BIRC6: variants seen among roughly 807,000 people sequenced by gnomAD.
The protein encoded by BIRC6 is baculoviral IAP repeat containing 6.
BIRC6 carries 98 observed loss-of-function variants against 503.3 expected under a neutral mutation model. The observed-to-expected ratio is 0.19, with a 90% CI of 0.17 to 0.23. BIRC6 has a LOEUF of 0.23. Among genes scored for constraint, BIRC6 ranks in the 10% least tolerant of loss-of-function variants. BIRC6 has a pLI of 1.00. For missense variants in BIRC6, 5,360 were observed against 5,806.0 expected (o/e 0.92, Z 2.50); for synonymous variants, 2,240 against 2,078.7 (o/e 1.08, Z -2.11).
intron 10 of BIRC6, among the ~76,000 whole-genome samples, chr2:32,426,814 A>T (rs1257768909): frequency 6.6e-6 from 1 of 152,166 alleles, no homozygotes; most frequent in Non-Finnish European, 1.5e-5. Context: ...GTTACTTATC[A>T]TAAGGCAGGT....
intron 3 of BIRC6, among the ~76,000 whole-genome samples, chr2:32,383,480 C>T (rs1246583498): frequency 6.6e-6 from 1 of 152,216 alleles, no homozygotes; most frequent in Non-Finnish European, 1.5e-5. Context: ...TCTTTACGTA[C>T]ATGAACGACC....
At chr2:32,615,367 T>A (rs551429809) in intron 73 of BIRC6, among the ~76,000 whole-genome samples, 1 of 152,360 alleles carries the variant, frequency 6.6e-6, no homozygotes, top group East Asian at 1.9e-4. Context: ...AAATCAAGGC[T>A]AGGGAAATTC....
intron 21 of BIRC6, among the ~76,000 whole-genome samples, chr2:32,446,753 T>G (rs969282026): frequency 1.2e-4 from 16 of 133,940 alleles, no homozygotes; most frequent in African/African-American, 2.8e-4. Flanking sequence ...TTTTTTTTTT[T>G]TTTTTTTTTT....
At chr2:32,576,192 T>C (rs116529610) in intron 66 of BIRC6, among the ~76,000 whole-genome samples, 2,543 of 152,332 alleles carry the variant, frequency 0.017, 40 homozygotes, top group Non-Finnish European at 0.026. Context: ...GTATAATTCT[T>C]AGGTTTATGG....
intron 46 of BIRC6, among the ~76,000 whole-genome samples, chr2:32,501,065 C>A (rs1456197814): frequency 6.6e-6 from 1 of 152,186 alleles, no homozygotes; most frequent in Non-Finnish European, 1.5e-5. Flanking sequence ...TTCTATGACA[C>A]AAACCAGTGT....
intron 9 of BIRC6, among the ~76,000 whole-genome samples, chr2:32,411,063 G>A (rs2041817099): frequency 2.7e-5 from 4 of 149,898 alleles, no homozygotes. Flanking sequence ...TTTTAAGACG[G>A]AGTTTTGCTT....
chr2:32,365,008 G>A (rs1247866608), intron 1 of BIRC6, among the ~76,000 whole-genome samples: 1 of 152,082 alleles, frequency 6.6e-6, no homozygotes, highest in East Asian at 1.9e-4. Flanking sequence ...TATAGAATTC[G>A]GATCTCAATA....
intron 3 of BIRC6, among the ~76,000 whole-genome samples, chr2:32,386,288 G>A (rs1054400287): frequency 6.6e-6 from 1 of 152,092 alleles, no homozygotes; most frequent in African/African-American, 2.4e-5. Context: ...TTGTTGATTT[G>A]CTTTAATAAA....
rs755688168 is a variant in BIRC6 at position 32,499,651 on chromosome 2, C to T, written c.8573C>T (p.Ala2858Val). 1.2e-5 allele frequency: 20 copies of T among 1,613,880 alleles called. No homozygotes were observed. The highest frequency in any genetic ancestry group is 1.7e-5 in the Non-Finnish European group (20 of 1,179,836). ...FEVVSVSTIS[A>V]VIESVTFLVH... ...GTCGTTTCAGTTAGTACTATTTCTG[C>T]CGTGATAGAATCGGTTACATTTTTA... The change falls in exon 46 of 74, where the codon GCC becomes GTC. Residue 2858 changes from alanine to valine, a missense_variant. Ala to Val is a moderately conservative substitution (Grantham distance 64). This residue lies in a region of BIRC6 where 2,299 missense variants were observed against 2,267.2 expected (regional missense o/e 1.01). Coordinates refer to ENST00000421745, the MANE Select transcript of BIRC6 (RefSeq NM_016252.4).
At chr2:32,587,134 A>T (rs2061086648) in intron 66 of BIRC6, among the ~76,000 whole-genome samples, 1 of 152,238 alleles carries the variant, frequency 6.6e-6, no homozygotes, top group Admixed American at 6.5e-5. Context: ...TACGCCTGTA[A>T]TCCCAGCACT....
intron 14 of BIRC6, 137 bp downstream of exon 14, chr2:32,435,722 G>T: frequency 1.0e-6 from 1 of 954,694 alleles, no homozygotes; most frequent in South Asian, 2.3e-5. Flanking sequence ...CTATAATTCT[G>T]CTTTGGCAAT....
intron 23 of BIRC6, among the ~76,000 whole-genome samples, chr2:32,454,687 A>G (rs187259042): frequency 6.6e-6 from 1 of 152,178 alleles, no homozygotes; most frequent in Non-Finnish European, 1.5e-5. Context: ...CAACAGTTTA[A>G]CAAAAAGCAA....
Position 32,392,067 on chromosome 2 carries a change from C to G in BIRC6, c.868C>G (p.Arg290Gly). ...RSLMYSEANR[R>G]ETFTSWPHVG... ...ACTGATGTATAGTGAAGCTAACAGACGGGAGACATTTACCTCATGGCCTCA... is the reference window on the plus strand; with the variant it reads ...ACTGATGTATAGTGAAGCTAACAGAGGGGAGACATTTACCTCATGGCCTCA... The change falls in exon 5 of 74, where the codon CGG becomes GGG. Residue 290 changes from arginine to glycine, a missense_variant. Transcript: ENST00000421745. 6.3e-7 allele frequency: 1 copy of G among 1,591,720 alleles called. No homozygotes were observed. Among genetic ancestry groups the G allele is most frequent in the African/African-American group, 1.3e-5 (1 of 74,662 alleles).
At chr2:32,528,773 G>A (rs554136277) in intron 59 of BIRC6, 1 of 152,172 alleles carries the variant, frequency 6.6e-6, no homozygotes, top group African/African-American at 2.4e-5. Context: ...ATGGTTCAGG[G>A]TACACAAACT....
intron 15 of BIRC6, 116 bp from the exon 16 acceptor site, chr2:32,439,392 T>C: frequency 9.8e-7 from 1 of 1,021,898 alleles, no homozygotes; most frequent in Non-Finnish European, 1.4e-6. Context: ...AATTTGAAAG[T>C]TCTGGCCTAC....
At chr2:32,472,961 C>A (rs2049273127) in intron 32 of BIRC6, 151 bp from the exon 33 acceptor site, 1 of 614,714 alleles carries the variant, frequency 1.6e-6, no homozygotes, top group Non-Finnish European at 2.7e-6. Context: ...AGAATCAGAT[C>A]TTCTAGCAAT....
chr2:32,473,158 A>C lies in BIRC6; in HGVS notation c.6639A>C (p.Leu2213Phe). ...ACAATAATCTACACACTCAGAGCTTAAATAGATCTTCTAAAGGCAGCAGTA... is the reference window on the plus strand; with the variant it reads ...ACAATAATCTACACACTCAGAGCTTCAATAGATCTTCTAAAGGCAGCAGTA... ...FINNNLHTQS[L>F]NRSSKGSSSL... Residue 2213 changes from leucine (L) to phenylalanine (F), a missense_variant, in exon 33 of 74, where the codon TTA becomes TTC. By Grantham distance (22) the Leu-to-Phe change is conservative (BLOSUM62 0). Transcript: ENST00000421745. The C allele has an allele frequency of 6.3e-7, 1 of 1,580,198 alleles. No individual in the cohort carries two copies. The highest frequency in any genetic ancestry group is 8.6e-7 in the Non-Finnish European group (1 of 1,159,786).
chr2:32,552,141 T>C (rs2150436201), intron 65 of BIRC6, among the ~76,000 whole-genome samples: 1 of 152,338 alleles, frequency 6.6e-6, no homozygotes, highest in East Asian at 1.9e-4. Context: ...TGGTCTGCCA[T>C]TAATTTTAAA....
chr2:32,594,067 A>C lies in BIRC6; in HGVS notation c.13501+7A>C. 6.2e-7 allele frequency: 1 copy of C among 1,601,244 alleles called. No homozygotes were observed. Among genetic ancestry groups the C allele is most frequent in the Middle Eastern group, 1.7e-4 (1 of 6,008 alleles). The stretch of plus-strand genomic sequence containing the variant: ...TTGCGGCAAGCAAATCAGGGTACAA[A>C]ACTTTTCCTATTATGCCACTTTTCA... On this transcript the variant is annotated splice_region_variant and intron_variant, in intron 67 of 73. Coordinates refer to ENST00000421745, the MANE Select transcript of BIRC6 (RefSeq NM_016252.4).
Sources: allele counts gnomAD v4.1 joint callset (sites outside exome capture counted in the v4.1 genomes callset), GRCh38; gene constraint gnomAD v4.1.1; regional missense constraint gnomAD v4.1.1; transcripts MANE v1.5; gene names NCBI Gene and HGNC (gene_info 2026-07-23, HGNC 2026-07-21).